The following CHD5 variants were observed in gnomAD, a reference collection of about 807,000 sequenced individuals.
CHD5 encodes the protein chromodomain helicase DNA binding protein 5, also known as ATP-dependent chromatin remodeler CHD5.
CHD5 carries 69 observed loss-of-function variants against 230.3 expected under a neutral mutation model. That is an observed-to-expected ratio of 0.30 (90% CI 0.25 to 0.37). The LOEUF is 0.37. CHD5 is among the 10% of genes least tolerant of loss of function. The probability of loss-of-function intolerance (pLI) is 1.00; values close to 1 mark genes in which losing one functional copy is unlikely to be tolerated. For missense variants in CHD5, 1,827 were observed against 2,622.8 expected, an observed-to-expected ratio of 0.70 and a Z score of 6.63; for synonymous variants, 1,064 against 1,065.9, an observed-to-expected ratio of 1.00 and a Z score of 0.03.
intron 2 of CHD5, among the ~76,000 whole-genome samples, chr1:6,163,387 C>G (rs1667207311): frequency 6.6e-6 from 1 of 152,200 alleles, no homozygotes; most frequent in African/African-American, 2.4e-5. Context: ...ACATGGAGCC[C>G]GCACAGCTGG....
Position 6,163,102 on chromosome 1 carries a change from G to A in CHD5, c.208-3587C>T, listed in dbSNP as rs547405209. Among the ~76,000 whole-genome samples, 45 of 152,322 alleles carry A rather than the reference G, an allele frequency of 3.0e-4. No individual in the cohort carries two copies. The South Asian group carries it at 8.5e-3, about 29-fold the overall frequency. On this transcript the variant is annotated intron_variant, in intron 2 of 41. Transcript: ENST00000262450. ...CACTGACAGGGCTCGCCCAGCGTCC[G>A]CTCAGGGTTAAGTGGCAGAGCAGGA...
At chr1:6,141,935 T>C (rs1210557869) in intron 15 of CHD5, among the ~76,000 whole-genome samples, 193 bp downstream of exon 15, 1 of 152,146 alleles carries the variant, frequency 6.6e-6, no homozygotes, top group African/African-American at 2.4e-5. Context: ...CCACTCCATT[T>C]GTGACACTTT....
chr1:6,142,702 ACT>A lies in CHD5; in HGVS notation c.2044-99_2044-98del, dbSNP rs1319483884. ...ACATGCAATTCCTTCTGCCTGGAAC[ACT>A]CTTCCCACTCCTGTCTGTCTTCCTA... On this transcript the variant is annotated intron_variant, in intron 13 of 41. Coordinates refer to ENST00000262450, the MANE Select transcript of CHD5 (RefSeq NM_015557.3). This position sits in a 1 kb window ranked among gnomAD's most constrained non-coding sequence, Gnocchi z 5.2. The A allele has an allele frequency of 8.3e-7, 1 of 1,211,778 alleles. No individual in the cohort carries two copies. Among genetic ancestry groups the A allele is most frequent in the African/African-American group, 1.5e-5 (1 of 65,114 alleles). The allele number at this position is 1,211,778 out of a possible 1,614,324, so 75.1% of individuals were successfully genotyped here.
chr1:6,157,753 C>G (rs965209315), intron 3 of CHD5, among the ~76,000 whole-genome samples: 1 of 152,242 alleles, frequency 6.6e-6, no homozygotes, highest in African/African-American at 2.4e-5. Context: ...TTGGTCCCCA[C>G]CCAGGACAGC....
Position 6,142,268 on chromosome 1 carries a change from G to A in CHD5, c.2296C>T (p.Arg766Cys), listed in dbSNP as rs1219384828. The change falls in exon 15 of 42, where the codon CGC becomes TGC. Residue 766 changes from arginine (R) to cysteine (C), a missense_variant. Physicochemically the swap from Arg to Cys is radical, Grantham distance 180. Coordinates refer to ENST00000262450, the MANE Select transcript of CHD5 (RefSeq NM_015557.3). The surrounding 1 kb of genome is among the most constrained non-coding windows in gnomAD (Gnocchi z 5.2). ...TCGGGCGCCCACATCTCAAACTCGC[G>A]TTCCCAGTTGATGATGGTGGAGAGG... ...APLSTIINWE[R>C]EFEMWAPDFY... is the part of the protein sequence containing the mutation. The A allele has an allele frequency of 1.9e-6, 3 of 1,613,812 alleles. No homozygotes were observed. Among genetic ancestry groups the A allele is most frequent in the Non-Finnish European group, 2.5e-6 (3 of 1,179,738 alleles).
chr1:6,161,328 G>A (rs1667174698), intron 2 of CHD5, among the ~76,000 whole-genome samples: 1 of 152,150 alleles, frequency 6.6e-6, no homozygotes, highest in African/African-American at 2.4e-5. Context: ...GGGGGAGACG[G>A]TCACTGACAG....
chr1:6,153,201 G>C (rs1667032350), intron 5 of CHD5, among the ~76,000 whole-genome samples: 1 of 152,244 alleles, frequency 6.6e-6, no homozygotes, highest in Non-Finnish European at 1.5e-5. Context: ...TAGGAGCCCA[G>C]CTGCACCCTC....
At position 6,142,591 on chromosome 1, in the gene CHD5, G is replaced by A. The variant is rs765764393; in HGVS notation, c.2058C>T (p.Phe686=). ...AGTCGATGTACCATGGCTGCTTGTC[G>A]AACTTGACCGTGGGCTGCAGGGGAG... The part of the protein sequence containing the change: ...DTPIVDPTVK[F]DKQPWYIDST... Residue 686 remains phenylalanine (F), a synonymous_variant, in exon 14 of 42, where the codon TTC becomes TTT. Coordinates refer to ENST00000262450, the MANE Select transcript of CHD5 (RefSeq NM_015557.3). The surrounding 1 kb of genome is among the most constrained non-coding windows in gnomAD (Gnocchi z 5.2). The A allele has an allele frequency of 1.8e-5, 29 of 1,611,796 alleles. No homozygotes were observed. The highest frequency in any genetic ancestry group is 1.8e-4 in the Middle Eastern group (1 of 5,642).
At chr1:6,127,082 C>A (rs1283374134) in intron 25 of CHD5, 2 of 354,512 alleles carry the variant, frequency 5.6e-6, no homozygotes, top group Non-Finnish European at 1.0e-5. Context: ...CATGGGCTCA[C>A]CAGGTCTGCA....
chr1:6,142,327 C>T lies in CHD5; in HGVS notation c.2237G>A (p.Gly746Asp). Reference protein sequence around the residue: ...IVFLYSLYKEGHSKGPYLVSA... With the variant: ...IVFLYSLYKEDHSKGPYLVSA... ...AACCAGGTAGGGCCCTTTGGAGTGG[C>T]CCTGGAGAGAGAGGCCGATGCCGTG... Residue 746 changes from glycine (G) to aspartate (D), a missense_variant and splice_region_variant, in exon 15 of 42, where the codon GGC (glycine) becomes GAC (aspartate). This residue lies in a region of CHD5 where 37 missense variants were observed against 105.7 expected (regional missense o/e 0.35). Coordinates refer to ENST00000262450, the MANE Select transcript of CHD5 (RefSeq NM_015557.3). The surrounding 1 kb of genome is among the most constrained non-coding windows in gnomAD (Gnocchi z 5.2). 6.2e-7 allele frequency: 1 copy of T among 1,602,394 alleles called. No homozygotes were observed. The highest frequency in any genetic ancestry group is 8.5e-7 in the Non-Finnish European group (1 of 1,170,434).
Position 6,105,938 on chromosome 1 carries a change from T to TGCAAATGAGAACACATGTGC in CHD5, c.*46+276_*46+295dup, listed in dbSNP as rs1553136810. Among the ~76,000 whole-genome samples the TGCAAATGAGAACACATGTGC allele has an allele frequency of 6.6e-6, 1 of 151,912 alleles. No individual in the cohort carries two copies. The highest frequency in any genetic ancestry group is 2.4e-5 in the African/African-American group (1 of 41,352). On this transcript the variant is annotated intron_variant, in intron 41 of 41. Coordinates refer to ENST00000262450, the MANE Select transcript of CHD5 (RefSeq NM_015557.3). This position sits in a 1 kb window ranked among gnomAD's most constrained non-coding sequence, Gnocchi z 4.8. Reference sequence around the variant, plus strand: ...CTCTGACTTCCGCTGGGAACATGTGTGCAAATGAGAACACATGTGCACACA... The same window carrying TGCAAATGAGAACACATGTGC: ...CTCTGACTTCCGCTGGGAACATGTGTGCAAATGAGAACACATGTGCGCAAATGAGAACACATGTGCACACA...
At chr1:6,157,966 T>C (rs1667105628) in intron 3 of CHD5, among the ~76,000 whole-genome samples, 1 of 152,184 alleles carries the variant, frequency 6.6e-6, no homozygotes, top group Non-Finnish European at 1.5e-5. Flanking sequence ...CCAACTTCAG[T>C]TATTCACATT....
In CHD5 at chr1:6,180,081, G is replaced by A; in HGVS notation, c.-58C>T. 6 of 938,600 alleles carry A rather than the reference G, an allele frequency of 6.4e-6. No individual in the cohort carries two copies. Among genetic ancestry groups the A allele is most frequent in the Non-Finnish European group, 8.0e-6 (6 of 749,192 alleles). The allele number at this position is 938,600 out of a possible 1,614,324, so 58.1% of individuals were successfully genotyped here. A position where few individuals can be genotyped will look rare whatever the true frequency, so the allele number is the denominator to read the frequency against. ...CCCCCTCCCGCCGGGCGCGGTGCCA[G>A]CCTTAACCCGTGCGCTGCCGGACCG... On this transcript the variant is annotated 5_prime_UTR_variant, in exon 1 of 42. Transcript: ENST00000262450.
Position 6,126,116 on chromosome 1 carries a change from G to A in CHD5, c.4079-258C>T, listed in dbSNP as rs1009988372. Reference sequence around the variant, plus strand: ...GCCCAAGGCCACGTCACGAGCAGTGGTGAAGTCACTGAACTGAGCCACACC... The same window carrying A: ...GCCCAAGGCCACGTCACGAGCAGTGATGAAGTCACTGAACTGAGCCACACC... On this transcript the variant is annotated intron_variant, in intron 26 of 41. Transcript: ENST00000262450. This position sits in a 1 kb window ranked among gnomAD's most constrained non-coding sequence, Gnocchi z 5.7. Among the ~76,000 whole-genome samples, 2 of 152,120 alleles carry A rather than the reference G, an allele frequency of 1.3e-5. No homozygotes were observed. The highest frequency in any genetic ancestry group is 4.8e-5 in the African/African-American group (2 of 41,426).
At chr1:6,124,477 C>T (rs766760072) in intron 30 of CHD5, 40 bp downstream of exon 30, 1 of 1,611,412 alleles carries the variant, frequency 6.2e-7, no homozygotes, top group South Asian at 1.1e-5. Flanking sequence ...GGAGCCCAGG[C>T]AGCCACCAGG....
At chr1:6,158,993 C>G (rs1394270035) in intron 3 of CHD5, among the ~76,000 whole-genome samples, 2 of 100,290 alleles carry the variant, frequency 2.0e-5, no homozygotes, top group Non-Finnish European at 3.6e-5. Flanking sequence ...GGCGACAGAG[C>G]GAGACTCCGT....
chr1:6,149,127 A>C, intron 8 of CHD5, 52 bp from the exon 9 acceptor site: 1 of 1,468,094 alleles, frequency 6.8e-7, no homozygotes, highest in Non-Finnish European at 9.1e-7. Context: ...CCGCTCCACC[A>C]GGCCCGACTC....
At chr1:6,106,578 C>G (rs779791978) in intron 39 of CHD5, 38 bp downstream of exon 39, 1 of 1,551,326 alleles carries the variant, frequency 6.4e-7, no homozygotes, top group Non-Finnish European at 8.7e-7. Flanking sequence ...AGGGGCACGC[C>G]AGGGGGCTCG....
chr1:6,111,835 C>G lies in CHD5; in HGVS notation c.5189G>C (p.Gly1730Ala), dbSNP rs761399990. ...CCGGTGCCAGATGTCGTAGATTTTC[C>G]CAGAGGATACAGCAGCCCGCTCCTC... is the stretch of plus-strand genomic sequence containing the variant. ...QNEERAAVSS[G>A]KIYDIWHRRH... The change falls in exon 36 of 42, where the codon GGG becomes GCG. Residue 1730 changes from glycine to alanine, a missense_variant. Physicochemically the swap from Gly to Ala is moderately conservative, Grantham distance 60 (BLOSUM62 0). Transcript: ENST00000262450. The G allele has an allele frequency of 6.2e-7, 1 of 1,613,470 alleles. No homozygotes were observed. The highest frequency in any genetic ancestry group is 1.1e-5 in the South Asian group (1 of 91,082).
Sources: gnomAD v4.1 joint callset for allele counts (sites outside exome capture counted in the v4.1 genomes callset) on GRCh38, gnomAD v4.1.1 for gene constraint, gnomAD v4.1.1 regional missense constraint, Gnocchi (gnomAD v3.1) non-coding constraint, MANE v1.5 for transcripts, NCBI Gene and HGNC (gene_info 2026-07-23, HGNC 2026-07-21) for gene names.